Variants in INPPL1 observed in about 807,000 individuals in gnomAD.
The protein encoded by INPPL1 is phosphatidylinositol 3,4,5-trisphosphate 5-phosphatase 2.
Under a neutral mutation model 139.3 loss-of-function variants are expected in INPPL1, and 91 were observed. The observed-to-expected ratio is 0.65, with a 90% CI of 0.55 to 0.78. The LOEUF is 0.78. Ranked by LOEUF, INPPL1 falls within the 30% of genes least tolerant of loss-of-function variation. INPPL1 has a pLI of 0.00. For synonymous variants in INPPL1, 719 were observed against 686.6 expected, an observed-to-expected ratio of 1.05 and a Z score of -0.74; for missense variants, 1,411 against 1,665.6, an observed-to-expected ratio of 0.85 and a Z score of 2.66.
chr11:72,225,812 T>G (rs568081282), intron 1 of INPPL1, among the ~76,000 whole-genome samples: 42 of 152,234 alleles, frequency 2.8e-4, no homozygotes, highest in South Asian at 6.2e-4. Flanking sequence ...CCCTGAGCTA[T>G]GAGTGCTGAG....
In INPPL1 at chr11:72,229,989, G is replaced by C. The variant is rs17847215; in HGVS notation, c.909G>C (p.Lys303Asn). 5.6e-3 allele frequency: 9,094 copies of C among 1,614,196 alleles called. 176 individuals carry two copies. In the East Asian group the frequency reaches 0.074, roughly 13 times the overall value. ...APPAPQPSTR[K>N]AKTIPVQAFE... ...CAGCTCCGCAGCCATCCACACGTAA[G>C]GCCAAGACCATCCCCGTGCAGGCCT... The change falls in exon 8 of 28, where the codon AAG becomes AAC. Residue 303 changes from lysine (K) to asparagine (N), a missense_variant. Coordinates refer to ENST00000298229, the MANE Select transcript of INPPL1 (RefSeq NM_001567.4).
Position 72,238,452 on chromosome 11 carries a change from A to G in INPPL1, c.*99A>G. On this transcript the variant is annotated 3_prime_UTR_variant, in exon 28 of 28. Transcript: ENST00000298229. The stretch of plus-strand genomic sequence containing the variant: ...GAAAAGTTATGAGGGTCAGGGCAGT[A>G]TCTCTCTGCCTATTTATTGGGGTGC... 1 of 956,322 alleles carries G rather than the reference A, an allele frequency of 1.0e-6. No individual in the cohort carries two copies. Among genetic ancestry groups the G allele is most frequent in the Non-Finnish European group, 1.5e-6 (1 of 666,464 alleles). The allele number at this position is 956,322 out of a possible 1,614,324, so 59.2% of individuals were successfully genotyped here.
Position 72,238,342 on chromosome 11 carries a change from C to T in INPPL1, c.3766C>T (p.Leu1256Phe), listed in dbSNP as rs1949061788. 6.4e-7 allele frequency: 1 copy of T among 1,558,766 alleles called. No individual in the cohort carries two copies. The highest frequency in any genetic ancestry group is 1.4e-5 in the African/African-American group (1 of 72,852). ...HKRLLLDTLQ[L>F]SK The stretch of plus-strand genomic sequence containing the variant: ...GCGCCTCCTTCTGGACACCCTGCAG[C>T]TCAGCAAGTGATAGCGGAGGCACCA... Residue 1256 changes from leucine to phenylalanine, a missense_variant, in exon 28 of 28, where the codon CTC becomes TTC. Physicochemically the swap from Leu to Phe is conservative, Grantham distance 22. Transcript: ENST00000298229.
chr11:72,225,225 G>A, intron 1 of INPPL1, 59 bp downstream of exon 1: 1 of 1,226,384 alleles, frequency 8.2e-7, no homozygotes, highest in Non-Finnish European at 1.0e-6. Flanking sequence ...GGCACGGCCG[G>A]GTGTGGAAAG....
In INPPL1 at chr11:72,234,243, C is replaced by T. The variant is rs199936814; in HGVS notation, c.2213-38C>T. 4 of 1,458,684 alleles carry T rather than the reference C, an allele frequency of 2.7e-6. No homozygotes were observed. In the Admixed American group the frequency reaches 6.7e-5, roughly 24 times the overall value. 90.4% of individuals were successfully genotyped at this position (1,458,684 alleles called of 1,614,324 possible). ...TCTGTCCCATTCCTCCTGTGATCCT[C>T]TCAGTCCTCCTGTTTGTTCTCCTCC... On this transcript the variant is annotated intron_variant, in intron 19 of 27. Transcript: ENST00000298229. The surrounding 1 kb of genome is among the most constrained non-coding windows in gnomAD (Gnocchi z 4.2).
At position 72,235,579 on chromosome 11, in the gene INPPL1, C is replaced by T. The variant is rs1948964054; in HGVS notation, c.2660-96C>T. On this transcript the variant is annotated intron_variant, in intron 23 of 27. Coordinates refer to ENST00000298229, the MANE Select transcript of INPPL1 (RefSeq NM_001567.4). This position sits in a 1 kb window ranked among gnomAD's most constrained non-coding sequence, Gnocchi z 4.9. The stretch of plus-strand genomic sequence containing the variant: ...AGCCACAGCTGGGAATAGTCCTGCC[C>T]CAAGGCATAGCTGGGAAAGGGCTGG... The T allele has an allele frequency of 1.3e-6, 2 of 1,573,712 alleles. No individual in the cohort carries two copies. The highest frequency in any genetic ancestry group is 1.7e-4 in the Middle Eastern group (1 of 5,894).
rs1399720018 is a variant in INPPL1, at chr11:72,235,363, C to T, written c.2571C>T (p.Ser857=). The T allele has an allele frequency of 2.5e-6, 4 of 1,614,082 alleles. No individual in the cohort carries two copies. Among genetic ancestry groups the T allele is most frequent in the Admixed American group, 1.7e-5 (1 of 60,018 alleles). Residue 857 remains serine (S), a synonymous_variant, in exon 23 of 28, where the codon TCC becomes TCT. Coordinates refer to ENST00000298229, the MANE Select transcript of INPPL1 (RefSeq NM_001567.4). The surrounding 1 kb of genome is among the most constrained non-coding windows in gnomAD (Gnocchi z 4.9). The part of the protein sequence containing the change: ...STAQQFLTFL[S]HRGEETGNIR... The stretch of plus-strand genomic sequence containing the variant: ...CCCAACAGTTCCTGACCTTCCTATC[C>T]CACCGTGGCGAGGAGACAGGCAATA...
intron 8 of INPPL1, 28 bp from the exon 9 acceptor site, chr11:72,230,093 G>T (rs1269616950): frequency 1.2e-6 from 2 of 1,611,930 alleles, no homozygotes; most frequent in Middle Eastern, 1.7e-4. Flanking sequence ...CCAAGGTCTT[G>T]TCAGCAGCCT....
At position 72,234,370 on chromosome 11, in the gene INPPL1, G is replaced by A. The variant is rs1349004937; in HGVS notation, c.2302G>A (p.Glu768Lys). The A allele has an allele frequency of 6.2e-7, 1 of 1,614,072 alleles. No individual in the cohort carries two copies. The highest frequency in any genetic ancestry group is 8.5e-7 in the Non-Finnish European group (1 of 1,179,984). ...AGCCAGCCGCACCAAGTTCTTCATC[G>A]AGTTCTACTCTACCTGCCTGGAGGG... Reference protein sequence around the residue: ...KTASRTKFFIEFYSTCLEEYK... With the variant: ...KTASRTKFFIKFYSTCLEEYK... The change falls in exon 20 of 28, where the codon GAG becomes AAG. Residue 768 changes from glutamate to lysine, a missense_variant. This residue lies in a region of INPPL1 where 363 missense variants were observed against 446.2 expected (regional missense o/e 0.81). Transcript: ENST00000298229. This position sits in a 1 kb window ranked among gnomAD's most constrained non-coding sequence, Gnocchi z 4.2.
chr11:72,227,702 C>T (rs1229788719), intron 1 of INPPL1, among the ~76,000 whole-genome samples: 1 of 152,238 alleles, frequency 6.6e-6, no homozygotes, highest in Admixed American at 6.5e-5. Flanking sequence ...TGCCCCCACA[C>T]TCCTCGGCAC....
intron 19 of INPPL1, 74 bp downstream of exon 19, chr11:72,233,818 AG>A: frequency 8.5e-7 from 1 of 1,182,294 alleles, no homozygotes; most frequent in Non-Finnish European, 1.3e-6. Flanking sequence ...GGATGTACAT[AG>A]GTTTGACTAT....
chr11:72,238,006 G>A, intron 26 of INPPL1, 36 bp from the exon 27 acceptor site: 2 of 1,513,110 alleles, frequency 1.3e-6, no homozygotes, highest in Non-Finnish European at 1.8e-6. Context: ...TCTATGGGGG[G>A]CACTCAGCTC....
rs773346962 is a variant in INPPL1 at position 72,230,840 on chromosome 11, G to A, written c.1242G>A (p.Lys414=). 1.2e-6 allele frequency: 2 copies of A among 1,613,904 alleles called. No individual in the cohort carries two copies. Among genetic ancestry groups the A allele is most frequent in the African/African-American group, 2.7e-5 (2 of 74,872 alleles). The change falls in exon 11 of 28, where the codon AAG becomes AAA. Residue 414 remains lysine (K), a synonymous_variant. Transcript: ENST00000298229. ...AGCTGTTGCAGCTCATGAAGAACAAGCACTCCAAGCAGGACGAGCCCGACA... is the reference window on the plus strand; with the variant it reads ...AGCTGTTGCAGCTCATGAAGAACAAACACTCCAAGCAGGACGAGCCCGACA... The part of the protein sequence containing the change: ...FCQLLQLMKN[K]HSKQDEPDMI...
At chr11:72,231,687 T>A in intron 13 of INPPL1, 72 bp downstream of exon 13, 1 of 1,096,564 alleles carries the variant, frequency 9.1e-7, no homozygotes, top group Non-Finnish European at 1.4e-6. Context: ...CTCTCAAGCC[T>A]AGGATTGCCC....
chr11:72,234,141 C>T lies in INPPL1; in HGVS notation c.2213-140C>T. ...GCCTCTGGAGATTCCCTGTTGGTGG[C>T]TTGGGACTGGGGAGGCCCCTCCTGG... is the stretch of plus-strand genomic sequence containing the variant. On this transcript the variant is annotated intron_variant, in intron 19 of 27. Transcript: ENST00000298229. The surrounding 1 kb of genome is among the most constrained non-coding windows in gnomAD (Gnocchi z 4.2). 1.5e-6 allele frequency: 1 copy of T among 653,606 alleles called. No individual in the cohort carries two copies. The highest frequency in any genetic ancestry group is 2.6e-5 in the Admixed American group (1 of 38,704). 40.5% of individuals were successfully genotyped at this position (653,606 alleles called of 1,614,324 possible).
At position 72,238,491 on chromosome 11, in the gene INPPL1, A is replaced by G. The variant is rs1393899793; in HGVS notation, c.*138A>G. 7.7e-6 allele frequency: 5 copies of G among 649,318 alleles called. No individual in the cohort carries two copies. The highest frequency in any genetic ancestry group is 7.7e-5 in the African/African-American group (4 of 52,270). 40.2% of individuals were successfully genotyped at this position (649,318 alleles called of 1,614,324 possible). ...TTATTGGGGTGCCTATTTATTGGGG[A>G]TCTGCATTCCCCGCTGCCCAATCAT... On this transcript the variant is annotated 3_prime_UTR_variant, in exon 28 of 28. Coordinates refer to ENST00000298229, the MANE Select transcript of INPPL1 (RefSeq NM_001567.4).
intron 13 of INPPL1, among the ~76,000 whole-genome samples, chr11:72,231,936 C>T (rs528944652): frequency 2.0e-5 from 3 of 152,092 alleles, no homozygotes; most frequent in Admixed American, 6.5e-5. Context: ...CTGGTGCTCT[C>T]CCAGGTAGAT....
At position 72,228,918 on chromosome 11, in the gene INPPL1, G is replaced by A; in HGVS notation, c.518+71G>A. 2 of 1,521,740 alleles carry A rather than the reference G, an allele frequency of 1.3e-6. No individual in the cohort carries two copies. Among genetic ancestry groups the A allele is most frequent in the Non-Finnish European group, 1.8e-6 (2 of 1,132,624 alleles). 94.3% of individuals were successfully genotyped at this position (1,521,740 alleles called of 1,614,324 possible). A position where few individuals can be genotyped will look rare whatever the true frequency, so the allele number is the denominator to read the frequency against. On this transcript the variant is annotated intron_variant, in intron 4 of 27. Coordinates refer to ENST00000298229, the MANE Select transcript of INPPL1 (RefSeq NM_001567.4). This position sits in a 1 kb window ranked among gnomAD's most constrained non-coding sequence, Gnocchi z 5.0. ...TGAGAACTATTTCCCTACCAAAGGT[G>A]GGGAGGCCTTCTAAGACCCCACCAG...
In INPPL1 at chr11:72,235,623, G is replaced by C; in HGVS notation, c.2660-52G>C. 6.2e-7 allele frequency: 1 copy of C among 1,605,998 alleles called. No homozygotes were observed. The highest frequency in any genetic ancestry group is 1.7e-4 in the Middle Eastern group (1 of 6,034). ...GGGCTGGCAGGCCCACTGGGTGTCT[G>C]TGGGATCCAGGAGCCCAGGTCTCCT... On this transcript the variant is annotated intron_variant, in intron 23 of 27. Coordinates refer to ENST00000298229, the MANE Select transcript of INPPL1 (RefSeq NM_001567.4). This position sits in a 1 kb window ranked among gnomAD's most constrained non-coding sequence, Gnocchi z 4.9.
Sources: allele counts gnomAD v4.1 joint callset (sites outside exome capture counted in the v4.1 genomes callset), GRCh38; gene constraint gnomAD v4.1.1; regional missense constraint gnomAD v4.1.1; non-coding constraint Gnocchi (gnomAD v3.1); transcripts MANE v1.5; gene names NCBI Gene and HGNC (gene_info 2026-07-23, HGNC 2026-07-21).